ANTXR2: variants seen among roughly 807,000 people sequenced by gnomAD.
ANTXR2 encodes ANTXR cell adhesion molecule 2.
In ANTXR2, 44 loss-of-function variants were observed where a neutral mutation model predicts 73.7. The observed-to-expected ratio is 0.60, with a 90% CI of 0.47 to 0.77. The LOEUF (loss-of-function observed/expected upper bound fraction) is 0.77. Among genes scored for constraint, ANTXR2 ranks in the 30% least tolerant of loss-of-function variants. The probability of loss-of-function intolerance (pLI) is 0.00; values close to 1 mark genes in which losing one functional copy is unlikely to be tolerated. For synonymous variants in ANTXR2, 217 were observed against 205.9 expected (o/e 1.05, Z -0.46); for missense variants, 604 against 592.5 (o/e 1.02, Z -0.20).
intron 7 of ANTXR2, among the ~76,000 whole-genome samples, chr4:80,045,553 A>T (rs1364914351): frequency 2.0e-5 from 3 of 150,894 alleles, no homozygotes; most frequent in Non-Finnish European, 4.4e-5. Context: ...AATATTGGCA[A>T]GGGTAGTAGA....
At chr4:79,926,969 G>GTGTATATACACATGTGCATGTATGTGTA (rs374516659) in intron 16 of ANTXR2, among the ~76,000 whole-genome samples, 2 of 81,040 alleles carry the variant, frequency 2.5e-5, no homozygotes, top group East Asian at 4.6e-4. Context: ...GCATATATGT[G>GTGTATATACACATGTGCATGTATGTGTA]TATATATACG....
At chr4:80,021,102 T>C (rs1054864737) in intron 10 of ANTXR2, among the ~76,000 whole-genome samples, 1 of 120,260 alleles carries the variant, frequency 8.3e-6, no homozygotes, top group Admixed American at 1.2e-4. Context: ...TGAGCCGAGA[T>C]CACACCACTG....
intron 10 of ANTXR2, among the ~76,000 whole-genome samples, chr4:80,030,251 A>G (rs566887207): frequency 6.6e-6 from 1 of 152,218 alleles, no homozygotes; most frequent in East Asian, 1.9e-4. Flanking sequence ...CCTGAACAAC[A>G]AAAATGATGG....
chr4:79,913,326 C>T (rs548676377), intron 16 of ANTXR2, among the ~76,000 whole-genome samples: 2 of 152,214 alleles, frequency 1.3e-5, no homozygotes, highest in East Asian at 3.9e-4. Context: ...TCAGCATTTT[C>T]TTCTTATCAT....
intron 2 of ANTXR2, among the ~76,000 whole-genome samples, chr4:80,071,156 A>T (rs930360815): frequency 6.6e-6 from 1 of 152,240 alleles, no homozygotes; most frequent in Non-Finnish European, 1.5e-5. Flanking sequence ...TTATTAACAC[A>T]TGTTCATTTG....
intron 12 of ANTXR2, among the ~76,000 whole-genome samples, chr4:79,994,281 T>C (rs1730621157): frequency 6.6e-6 from 1 of 152,008 alleles, no homozygotes; most frequent in Non-Finnish European, 1.5e-5. Context: ...ATCATTTCCC[T>C]GGTAAAAATG....
At chr4:80,007,474 C>T (rs570808337) in intron 12 of ANTXR2, among the ~76,000 whole-genome samples, 1 of 152,076 alleles carries the variant, frequency 6.6e-6, no homozygotes, top group African/African-American at 2.4e-5. Context: ...CCAACATCTC[C>T]ATAACTTAAT....
chr4:80,026,234 C>T lies in ANTXR2; in HGVS notation c.866+5389G>A, dbSNP rs573288375. The stretch of plus-strand genomic sequence containing the variant: ...CCTGTTCTCATGATGGTGAGTGAAT[C>T]TCACGAGATCTGATGGTTTTAAAAG... On this transcript the variant is annotated intron_variant, in intron 10 of 16. Coordinates refer to ENST00000403729, the MANE Select transcript of ANTXR2 (RefSeq NM_058172.6). Among the ~76,000 whole-genome samples the T allele has an allele frequency of 8.9e-4, 135 of 152,196 alleles. No homozygotes were observed. The South Asian group carries it at 8.9e-3, about 10-fold the overall frequency.
At position 79,901,499 on chromosome 4, in the gene ANTXR2, A is replaced by G. The variant is rs2109914949; in HGVS notation, c.*5930T>C. 6.9e-6 allele frequency: 1 copy of G among 143,944 alleles called. No homozygotes were observed. The highest frequency in any genetic ancestry group is 1.5e-5 in the Non-Finnish European group (1 of 67,188). The allele number at this position is 143,944 out of a possible 1,614,324, so 8.9% of individuals were successfully genotyped here. A position where few individuals can be genotyped will look rare whatever the true frequency, so the allele number is the denominator to read the frequency against. On this transcript the variant is annotated 3_prime_UTR_variant, in exon 17 of 17. Transcript: ENST00000403729. Reference sequence around the variant, plus strand: ...ACAATGCATATCTTTTTCATAGTCTACACCCTAGAACAACCATACCCAATA... The same window carrying G: ...ACAATGCATATCTTTTTCATAGTCTGCACCCTAGAACAACCATACCCAATA...
intron 11 of ANTXR2, among the ~76,000 whole-genome samples, chr4:80,012,977 T>C (rs894431872): frequency 2.6e-5 from 4 of 152,222 alleles, no homozygotes; most frequent in African/African-American, 9.7e-5. Flanking sequence ...CCATAAAGGA[T>C]TTAGCACATA....
At chr4:80,065,494 G>T (rs1049940995) in intron 3 of ANTXR2, among the ~76,000 whole-genome samples, 1 of 152,122 alleles carries the variant, frequency 6.6e-6, no homozygotes, top group African/African-American at 2.4e-5. Flanking sequence ...GTAGGTGGAG[G>T]AATGGACTAA....
At chr4:79,961,276 C>CA (rs983875683) in intron 16 of ANTXR2, among the ~76,000 whole-genome samples, 8 of 151,526 alleles carry the variant, frequency 5.3e-5, no homozygotes, top group Non-Finnish European at 1.2e-4. Flanking sequence ...ATAAAGTAAC[C>CA]AAAAAATGGA....
intron 2 of ANTXR2, among the ~76,000 whole-genome samples, chr4:80,070,020 G>A (rs548262549): frequency 2.4e-4 from 36 of 152,266 alleles, no homozygotes; most frequent in African/African-American, 8.7e-4. Flanking sequence ...TTTCTGCTTA[G>A]GCATTTTTTA....
chr4:79,985,440 T>G (rs62298609), intron 12 of ANTXR2, among the ~76,000 whole-genome samples: 98,513 of 151,918 alleles, frequency 0.65, 34,593 homozygotes, highest in East Asian at 0.95. Flanking sequence ...AAGAACTTAA[T>G]TTTCCCTGAC....
At chr4:80,069,273 CT>C (rs1356376144) in intron 3 of ANTXR2, among the ~76,000 whole-genome samples, 162 bp downstream of exon 3, 1 of 152,158 alleles carries the variant, frequency 6.6e-6, no homozygotes, top group East Asian at 1.9e-4. Flanking sequence ...ATTAACTGCT[CT>C]TTTATATTAC....
intron 16 of ANTXR2, chr4:79,964,838 C>T (rs1056307955): frequency 2.6e-5 from 4 of 152,238 alleles, no homozygotes; most frequent in African/African-American, 9.7e-5. Context: ...GCGGCCCTCA[C>T]CTCGCGCGCC....
chr4:80,006,227 T>C (rs190383924), intron 12 of ANTXR2, among the ~76,000 whole-genome samples: 2 of 152,198 alleles, frequency 1.3e-5, no homozygotes, highest in East Asian at 3.9e-4. Flanking sequence ...TTTGCACACA[T>C]TTCTATGTTT....
chr4:79,981,984 T>C (rs1462754681), intron 14 of ANTXR2, among the ~76,000 whole-genome samples: 1 of 152,190 alleles, frequency 6.6e-6, no homozygotes, highest in African/African-American at 2.4e-5. Flanking sequence ...CTCTTGGCTC[T>C]CATAAATATA....
chr4:80,060,469 T>C (rs184968863), intron 3 of ANTXR2, among the ~76,000 whole-genome samples: 1 of 152,188 alleles, frequency 6.6e-6, no homozygotes, highest in Non-Finnish European at 1.5e-5. Flanking sequence ...TTTGGGTAAA[T>C]AGGATAATCT....
Sources: gnomAD v4.1 joint callset for allele counts (sites outside exome capture counted in the v4.1 genomes callset) on GRCh38, gnomAD v4.1.1 for gene constraint, MANE v1.5 for transcripts, NCBI Gene and HGNC (gene_info 2026-07-23, HGNC 2026-07-21) for gene names.